The following SECISBP2L variants were observed in gnomAD, a reference collection of about 807,000 sequenced individuals.
SECISBP2L encodes the protein selenocysteine insertion sequence-binding protein 2-like.
A neutral mutation model predicts 114.7 loss-of-function variants in SECISBP2L; 43 were observed. That is an observed-to-expected ratio of 0.38 (90% CI 0.29 to 0.48). The LOEUF (loss-of-function observed/expected upper bound fraction) is 0.48. SECISBP2L is among the 20% of genes least tolerant of loss of function. The pLI is 0.98. For synonymous variants in SECISBP2L, 451 were observed against 439.7 expected (o/e 1.03, Z -0.32); for missense variants, 1,136 against 1,301.1 (o/e 0.87, Z 1.95).
At chr15:49,001,417 T>C (rs1902205738) in intron 14 of SECISBP2L, among the ~76,000 whole-genome samples, 1 of 152,072 alleles carries the variant, frequency 6.6e-6, no homozygotes, top group East Asian at 1.9e-4. Context: ...CAAAAATATC[T>C]GATAAATTAA....
At chr15:48,997,037 CA>C (rs1292420396) in intron 16 of SECISBP2L, among the ~76,000 whole-genome samples, 1 of 152,138 alleles carries the variant, frequency 6.6e-6, no homozygotes, top group Non-Finnish European at 1.5e-5. Flanking sequence ...TTAGTTGAGG[CA>C]TCAACTCTAA....
chr15:49,046,260 G>A lies in SECISBP2L; in HGVS notation c.24+16C>T, dbSNP rs532294436. The A allele has an allele frequency of 5.8e-6, 9 of 1,562,336 alleles. No individual in the cohort carries two copies. Among genetic ancestry groups the A allele is most frequent in the Admixed American group, 1.9e-5 (1 of 53,214 alleles). On this transcript the variant is annotated intron_variant, in intron 1 of 17. Transcript: ENST00000559471. ...CCCAACCCCCGGCTCGGCGGGCCCAGCCCAAACCCGCGTACCTGCTCCGTG... is the reference window on the plus strand; with the variant it reads ...CCCAACCCCCGGCTCGGCGGGCCCAACCCAAACCCGCGTACCTGCTCCGTG...
chr15:49,041,518 T>C (rs1189032751), intron 1 of SECISBP2L, among the ~76,000 whole-genome samples: 1 of 152,224 alleles, frequency 6.6e-6, no homozygotes, highest in Non-Finnish European at 1.5e-5. Flanking sequence ...AGCACTGTGC[T>C]GGACTGGGTT....
In SECISBP2L at chr15:48,992,178, T is replaced by G; in HGVS notation, c.*66A>C. 6.9e-7 allele frequency: 1 copy of G among 1,439,968 alleles called. No homozygotes were observed. Among genetic ancestry groups the G allele is most frequent in the Non-Finnish European group, 9.4e-7 (1 of 1,061,206 alleles). The allele number at this position is 1,439,968 out of a possible 1,614,324, so 89.2% of individuals were successfully genotyped here. On this transcript the variant is annotated 3_prime_UTR_variant, in exon 18 of 18. Transcript: ENST00000559471. ...TACTGGACAGTGCAAAATGTTGAGA[T>G]GAAGCATAAAAGGTAATGGCTGCAA...
At chr15:49,001,257 C>A (rs1178924492) in intron 14 of SECISBP2L, among the ~76,000 whole-genome samples, 160 bp from the exon 15 acceptor site, 1 of 152,142 alleles carries the variant, frequency 6.6e-6, no homozygotes, top group Non-Finnish European at 1.5e-5. Flanking sequence ...ATCCTTCAGT[C>A]ATTTACAAAA....
Position 48,992,577 on chromosome 15 carries a change from T to C in SECISBP2L, c.2973A>G (p.Glu991=), listed in dbSNP as rs537764723. The C allele has an allele frequency of 6.2e-7, 1 of 1,614,160 alleles. No individual in the cohort carries two copies. Among genetic ancestry groups the C allele is most frequent in the South Asian group, 1.1e-5 (1 of 91,074 alleles). ...STLVPGMLEE[E]EDEDEEEEED... ...CCTCCTCCTCCTCATCTTCATCTTCTTCTTCTTCAAGCATGCCAGGTACAA... is the reference window on the plus strand; with the variant it reads ...CCTCCTCCTCCTCATCTTCATCTTCCTCTTCTTCAAGCATGCCAGGTACAA... The change falls in exon 18 of 18, where the codon GAA becomes GAG. Residue 991 remains glutamate (E), a synonymous_variant. Transcript: ENST00000559471.
intron 17 of SECISBP2L, among the ~76,000 whole-genome samples, chr15:48,993,693 A>ATATG (rs1902035574): frequency 6.6e-6 from 1 of 151,704 alleles, no homozygotes; most frequent in Non-Finnish European, 1.5e-5. Context: ...TATAATATAT[A>ATATG]TATATATATA....
At position 49,028,041 on chromosome 15, in the gene SECISBP2L, C is replaced by T. The variant is rs574195229; in HGVS notation, c.919+103G>A. On this transcript the variant is annotated intron_variant, in intron 6 of 17. Transcript: ENST00000559471. ...ATTACCTTGAATCTCTGGAAGACTT[C>T]TAAGTTTTTTTTGCAGTATCAGCAA... 31 of 1,051,254 alleles carry T rather than the reference C, an allele frequency of 2.9e-5. 1 individual carries two copies. In the South Asian group the frequency reaches 3.4e-4, roughly 12 times the overall value. 65.1% of individuals were successfully genotyped at this position (1,051,254 alleles called of 1,614,324 possible).
At chr15:49,003,265 T>C (rs895188553) in intron 14 of SECISBP2L, among the ~76,000 whole-genome samples, 6 of 152,318 alleles carry the variant, frequency 3.9e-5, no homozygotes, top group Non-Finnish European at 7.4e-5. Flanking sequence ...GTAGGAATGC[T>C]TGTGATTTTT....
At chr15:49,045,907 C>T (rs1028587917) in intron 1 of SECISBP2L, among the ~76,000 whole-genome samples, 2 of 152,162 alleles carry the variant, frequency 1.3e-5, no homozygotes, top group Non-Finnish European at 2.9e-5. Context: ...CCTTCAAACG[C>T]CTTTCCACCT....
At chr15:48,996,722 C>A in intron 16 of SECISBP2L, 136 bp from the exon 17 acceptor site, 1 of 682,316 alleles carries the variant, frequency 1.5e-6, no homozygotes, top group South Asian at 1.9e-5. Context: ...GGTATGCAAA[C>A]CACAGAACCT....
chr15:48,992,774 T>A lies in SECISBP2L; in HGVS notation c.2776A>T (p.Thr926Ser). 1 of 1,614,216 alleles carries A rather than the reference T, an allele frequency of 6.2e-7. No homozygotes were observed. The highest frequency in any genetic ancestry group is 8.5e-7 in the Non-Finnish European group (1 of 1,180,042). ...CTTGTAGCTGAGGTAGTACTGCCTGTAGCCACTAATGATGGCTGCTTACCA... is the reference window on the plus strand; with the variant it reads ...CTTGTAGCTGAGGTAGTACTGCCTGAAGCCACTAATGATGGCTGCTTACCA... Reference protein sequence around the residue: ...PIGKQPSLVATGSTTSATSAG... With the variant: ...PIGKQPSLVASGSTTSATSAG... The change falls in exon 18 of 18, where the codon ACA becomes TCA. Residue 926 changes from threonine (T) to serine (S), a missense_variant. Physicochemically the swap from Thr to Ser is moderately conservative, Grantham distance 58. This residue lies in a region of SECISBP2L where 684 missense variants were observed against 848.7 expected (regional missense o/e 0.81). Transcript: ENST00000559471.
chr15:48,994,111 GA>G lies in SECISBP2L; in HGVS notation c.2624-1186del, dbSNP rs66924521. ...CTTTCCACTGTCATTTCTACCTTAT[GA>G]AAAAAAAAAAATCACCTCCTCCTAT... On this transcript the variant is annotated intron_variant, in intron 17 of 17. Transcript: ENST00000559471. Among the ~76,000 whole-genome samples, 826 of 141,488 alleles carry G rather than the reference GA, an allele frequency of 5.8e-3. 2 individuals are homozygous for G. The highest frequency in any genetic ancestry group is 9.0e-3 in the Admixed American group (128 of 14,204). 92.8% of individuals were successfully genotyped at this position (141,488 alleles called of 152,430 possible).
chr15:49,014,079 C>T (rs1178461006), intron 11 of SECISBP2L, among the ~76,000 whole-genome samples: 4 of 152,134 alleles, frequency 2.6e-5, no homozygotes, highest in African/African-American at 9.7e-5. Context: ...TACAATTTGA[C>T]CTCTGCCCAA....
intron 1 of SECISBP2L, 123 bp downstream of exon 1, chr15:49,046,153 G>C (rs1453657673): frequency 8.7e-7 from 1 of 1,151,056 alleles, no homozygotes; most frequent in Non-Finnish European, 1.2e-6. Flanking sequence ...CAGGCTCCCA[G>C]GTGAGGGGGT....
intron 13 of SECISBP2L, among the ~76,000 whole-genome samples, chr15:49,009,956 C>A (rs1259539925): frequency 6.6e-6 from 1 of 151,782 alleles, no homozygotes; most frequent in Non-Finnish European, 1.5e-5. Flanking sequence ...CATGGTGAAA[C>A]CCCATCTCTA....
At chr15:49,001,426 A>G (rs1004053507) in intron 14 of SECISBP2L, among the ~76,000 whole-genome samples, 6 of 151,952 alleles carry the variant, frequency 3.9e-5, no homozygotes, top group Admixed American at 3.3e-4. Context: ...CTGATAAATT[A>G]ACAAATATAT....
At chr15:49,005,698 CTT>C (rs1283386123) in intron 14 of SECISBP2L, among the ~76,000 whole-genome samples, 3 of 150,290 alleles carry the variant, frequency 2.0e-5, no homozygotes, top group Admixed American at 6.7e-5. Flanking sequence ...GGTCTTGACT[CTT>C]TATCCAATTT....
At chr15:49,028,397 A>C in intron 5 of SECISBP2L, 56 bp downstream of exon 5, 5 of 1,529,530 alleles carry the variant, frequency 3.3e-6, no homozygotes, top group Non-Finnish European at 4.5e-6. Flanking sequence ...CAGAGGATGC[A>C]AAATAATAAT....
Sources: gnomAD v4.1 joint callset for allele counts (sites outside exome capture counted in the v4.1 genomes callset) on GRCh38, gnomAD v4.1.1 for gene constraint, gnomAD v4.1.1 regional missense constraint, MANE v1.5 for transcripts, NCBI Gene and HGNC (gene_info 2026-07-23, HGNC 2026-07-21) for gene names.